TNFRSF10A: variants seen among roughly 807,000 people sequenced by gnomAD.
The protein encoded by TNFRSF10A is TNF receptor superfamily member 10a.
Under a neutral mutation model 42.8 loss-of-function variants are expected in TNFRSF10A, and 44 were observed. The ratio of observed to expected loss-of-function variants is 1.03; its 90% confidence interval spans 0.81 to 1.32. TNFRSF10A has a LOEUF of 1.32. Ranked by LOEUF, TNFRSF10A falls within the 40% of genes most tolerant of loss-of-function variation. The probability of loss-of-function intolerance (pLI) is 0.00; values close to 1 mark genes in which losing one functional copy is unlikely to be tolerated. For synonymous variants in TNFRSF10A, 259 were observed against 234.2 expected, an observed-to-expected ratio of 1.11 and a Z score of -0.97; for missense variants, 680 against 602.0, an observed-to-expected ratio of 1.13 and a Z score of -1.36.
intron 2 of TNFRSF10A, among the ~76,000 whole-genome samples, chr8:23,208,901 A>G (rs1195844650): frequency 2.0e-5 from 3 of 152,222 alleles, no homozygotes; most frequent in Non-Finnish European, 4.4e-5. Context: ...CTGAGTGTTA[A>G]TCCCCAAGAC....
chr8:23,209,318 T>C (rs1801060227), intron 2 of TNFRSF10A, among the ~76,000 whole-genome samples: 1 of 152,222 alleles, frequency 6.6e-6, no homozygotes, highest in Non-Finnish European at 1.5e-5. Flanking sequence ...AAATGTGGCA[T>C]CAGAGCCCCC....
At chr8:23,203,570 G>A (rs1366798004) in intron 2 of TNFRSF10A, among the ~76,000 whole-genome samples, 1 of 152,168 alleles carries the variant, frequency 6.6e-6, no homozygotes, top group Non-Finnish European at 1.5e-5. Flanking sequence ...CCCTTCAGGT[G>A]ACCTCACTCT....
Position 23,205,352 on chromosome 8 carries a change from G to C in TNFRSF10A, c.404-2591C>G, listed in dbSNP as rs533992602. Among the ~76,000 whole-genome samples, 13 of 152,242 alleles carry C rather than the reference G, an allele frequency of 8.5e-5. No homozygotes were observed. In the South Asian group the frequency reaches 2.7e-3, roughly 32 times the overall value. On this transcript the variant is annotated intron_variant, in intron 2 of 9. Coordinates refer to ENST00000221132, the MANE Select transcript of TNFRSF10A (RefSeq NM_003844.4). ...AAGTCAATGCGTTACTCAGGTGTTT[G>C]TGGTAATGCTGATGTAAACAAACCT...
chr8:23,200,584 T>C lies in TNFRSF10A; in HGVS notation c.720A>G (p.Ile240Met). ...VHKESGNGHNIWVILVVTLVV... is the reference protein window; with the variant it reads ...VHKESGNGHNMWVILVVTLVV... The stretch of plus-strand genomic sequence containing the variant: ...CCAAAGTCACAACCAAAATCACCCA[T>C]ATATTATGTCCATTGCCTGAGAAAA... The change falls in exon 6 of 10, where the codon ATA becomes ATG. Residue 240 changes from isoleucine to methionine, a missense_variant. Transcript: ENST00000221132. The C allele has an allele frequency of 6.2e-7, 1 of 1,613,976 alleles. No homozygotes were observed. Among genetic ancestry groups the C allele is most frequent in the Non-Finnish European group, 8.5e-7 (1 of 1,179,990 alleles).
Position 23,212,201 on chromosome 8 carries a change from G to C in TNFRSF10A, c.318C>G (p.Ser106Arg), listed in dbSNP as rs760076246. The C allele has an allele frequency of 1.9e-6, 3 of 1,613,306 alleles. No individual in the cohort carries two copies. In the African/African-American group the frequency reaches 4.0e-5, roughly 22 times the overall value. The change falls in exon 2 of 10, where the codon AGC (serine) becomes AGG (arginine). Residue 106 changes from serine to arginine, a missense_variant. Physicochemically the swap from Ser to Arg is moderately radical, Grantham distance 110. Coordinates refer to ENST00000221132, the MANE Select transcript of TNFRSF10A (RefSeq NM_003844.4). ...VVGVLLQVVP[S>R]SAATIKLHDQ... is the part of the protein sequence containing the mutation. Reference sequence around the variant, plus strand: ...CATGAAGTTTGATGGTTGCAGCTGAGCTAGGTACGACCTGTGGGGACAAAG... The same window carrying C: ...CATGAAGTTTGATGGTTGCAGCTGACCTAGGTACGACCTGTGGGGACAAAG...
intron 2 of TNFRSF10A, among the ~76,000 whole-genome samples, chr8:23,210,314 G>A (rs1321359558): frequency 6.6e-6 from 1 of 152,124 alleles, no homozygotes; most frequent in Non-Finnish European, 1.5e-5. Flanking sequence ...GAAAACTACA[G>A]ACTAACGATT....
intron 7 of TNFRSF10A, 70 bp downstream of exon 7, chr8:23,199,816 G>A (rs918620769): frequency 1.0e-4 from 161 of 1,605,578 alleles, no homozygotes; most frequent in Non-Finnish European, 1.2e-4. Context: ...CCACCCACCT[G>A]GACTACACTG....
intron 1 of TNFRSF10A, among the ~76,000 whole-genome samples, chr8:23,215,843 A>C (rs1202915614): frequency 7.5e-6 from 1 of 133,494 alleles, no homozygotes; most frequent in African/African-American, 2.9e-5. Context: ...CCTGAGATGG[A>C]GTTTTACTCT....
At chr8:23,202,314 G>T (rs1439663309) in intron 3 of TNFRSF10A, among the ~76,000 whole-genome samples, 1 of 152,176 alleles carries the variant, frequency 6.6e-6, no homozygotes, top group Non-Finnish European at 1.5e-5. Context: ...GTGAGCCTGA[G>T]AACCTGCCAG....
intron 1 of TNFRSF10A, among the ~76,000 whole-genome samples, chr8:23,215,345 G>A (rs572057244): frequency 1.0e-3 from 156 of 152,018 alleles, no homozygotes; most frequent in Non-Finnish European, 1.2e-3. Context: ...GTGAAACCCC[G>A]TCTCTACTAA....
intron 2 of TNFRSF10A, among the ~76,000 whole-genome samples, chr8:23,205,629 C>A (rs1800993985): frequency 6.6e-6 from 1 of 151,932 alleles, no homozygotes; most frequent in Non-Finnish European, 1.5e-5. Context: ...TGAAGATCCT[C>A]CAACGCGACA....
rs1800972617 is a variant in TNFRSF10A at position 23,204,043 on chromosome 8, C to T, written c.404-1282G>A. Among the ~76,000 whole-genome samples the T allele has an allele frequency of 2.0e-5, 3 of 152,114 alleles. No individual in the cohort carries two copies. The East Asian group carries it at 5.8e-4, about 29-fold the overall frequency. ...CCACCTGCCTCGGCCTCCCAAAGTG[C>T]TGGGATTACAGGAGTGAGCCACCGT... is the stretch of plus-strand genomic sequence containing the variant. On this transcript the variant is annotated intron_variant, in intron 2 of 9. Transcript: ENST00000221132.
intron 2 of TNFRSF10A, among the ~76,000 whole-genome samples, chr8:23,205,157 A>G (rs551509835): frequency 6.6e-6 from 1 of 152,316 alleles, no homozygotes; most frequent in Admixed American, 6.5e-5. Flanking sequence ...ATAGATCGAT[A>G]TATTGGCACA....
chr8:23,200,894 G>A, intron 4 of TNFRSF10A, 134 bp from the exon 5 acceptor site: 1 of 859,242 alleles, frequency 1.2e-6, no homozygotes, highest in Non-Finnish European at 1.9e-6. Flanking sequence ...CGTATCTGCA[G>A]GGGGTCCCCC....
At chr8:23,223,904 C>G (rs908585563) in intron 1 of TNFRSF10A, among the ~76,000 whole-genome samples, 1 of 152,164 alleles carries the variant, frequency 6.6e-6, no homozygotes, top group African/African-American at 2.4e-5. Context: ...CCTGTTGATG[C>G]GCAAGAAAGT....
intron 1 of TNFRSF10A, chr8:23,224,460 C>G (rs1801304522): frequency 4.5e-6 from 2 of 444,714 alleles, no homozygotes; most frequent in Non-Finnish European, 4.0e-6. Flanking sequence ...CGAAACTTCC[C>G]GATACATCGT....
In TNFRSF10A at chr8:23,200,050, A is replaced by T. The variant is rs1269264077; in HGVS notation, c.800-133T>A. The T allele has an allele frequency of 7.5e-6, 8 of 1,061,248 alleles. No individual in the cohort carries two copies. In the Admixed American group the frequency reaches 1.0e-4, roughly 14 times the overall value. The allele number at this position is 1,061,248 out of a possible 1,614,324, so 65.7% of individuals were successfully genotyped here. On this transcript the variant is annotated intron_variant, in intron 6 of 9. Transcript: ENST00000221132. ...AAGATCCCCGGGCCTGGGGATCCAC[A>T]TGAGGCCCTGCTAACTCGGGAGATC...
In TNFRSF10A at chr8:23,200,710, A is replaced by T. The variant is rs1800898274; in HGVS notation, c.680T>A (p.Ile227Asn). 1 of 1,467,452 alleles carries T rather than the reference A, an allele frequency of 6.8e-7. No individual in the cohort carries two copies. Among genetic ancestry groups the T allele is most frequent in the Admixed American group, 1.8e-5 (1 of 54,956 alleles). The allele number at this position is 1,467,452 out of a possible 1,614,324, so 90.9% of individuals were successfully genotyped here. A position where few individuals can be genotyped will look rare whatever the true frequency, so the allele number is the denominator to read the frequency against. ...ACCTGATTCTTTGTGGACACACTCG[A>T]TGTCACTCCAGGGCGTACAATCCTT... ...KVKDCTPWSD[I>N]ECVHKESGNG... The change falls in exon 5 of 10, where the codon ATC (isoleucine) becomes AAC (asparagine). Residue 227 changes from isoleucine (I) to asparagine (N), a missense_variant. Physicochemically the swap from Ile to Asn is moderately radical, Grantham distance 149 (BLOSUM62 -3). Coordinates refer to ENST00000221132, the MANE Select transcript of TNFRSF10A (RefSeq NM_003844.4).
chr8:23,193,298 G>A (rs1356027457), intron 9 of TNFRSF10A, among the ~76,000 whole-genome samples: 1 of 152,090 alleles, frequency 6.6e-6, no homozygotes, highest in Non-Finnish European at 1.5e-5. Flanking sequence ...CAGTTGCCCC[G>A]CTAACTTTGG....
Sources: gnomAD v4.1 joint callset for allele counts (sites outside exome capture counted in the v4.1 genomes callset) on GRCh38, gnomAD v4.1.1 for gene constraint, MANE v1.5 for transcripts, NCBI Gene and HGNC (gene_info 2026-07-23, HGNC 2026-07-21) for gene names.